The following EYS variants were observed in gnomAD, a reference collection of about 807,000 sequenced individuals.
The protein encoded by EYS is EGF-like photoreceptor maintenance factor, also known as protein eyes shut homolog.
Under a neutral mutation model 282.1 loss-of-function variants are expected in EYS, and 250 were observed. That is an observed-to-expected ratio of 0.89 (90% CI 0.80 to 0.98). EYS has a LOEUF of 0.98. Ranked by LOEUF, EYS falls within the 50% of genes least tolerant of loss-of-function variation. The pLI is 0.00. For missense variants in EYS, 4,016 were observed against 3,709.0 expected, an observed-to-expected ratio of 1.08 and a Z score of -2.15; for synonymous variants, 1,355 against 1,282.9, an observed-to-expected ratio of 1.06 and a Z score of -1.20.
intron 35 of EYS, among the ~76,000 whole-genome samples, chr6:63,926,650 TC>T (rs1166114753): frequency 6.6e-6 from 1 of 152,200 alleles, no homozygotes; most frequent in Non-Finnish European, 1.5e-5. Context: ...GTCCAGACAT[TC>T]AATCACAGAT....
In EYS at chr6:64,757,335, C is replaced by T. The variant is rs531901870; in HGVS notation, c.3443+56043G>A. On this transcript the variant is annotated intron_variant, in intron 22 of 42. Transcript: ENST00000503581. The stretch of plus-strand genomic sequence containing the variant: ...ACTGCTCCCACACGTCTTGTTCAGA[C>T]TTCTATTATAACTCTTAGTGCACTG... Among the ~76,000 whole-genome samples, 15 of 152,260 alleles carry T rather than the reference C, an allele frequency of 9.9e-5. No homozygotes were observed. The South Asian group carries it at 2.5e-3, about 25-fold the overall frequency.
chr6:64,611,616 G>T (rs1425622916), intron 24 of EYS, among the ~76,000 whole-genome samples: 2 of 152,038 alleles, frequency 1.3e-5, no homozygotes, highest in South Asian at 4.1e-4. Context: ...GCAAAAAATG[G>T]TGCTCAACAT....
chr6:65,530,015 T>G (rs1767704307), intron 2 of EYS, among the ~76,000 whole-genome samples: 1 of 152,234 alleles, frequency 6.6e-6, no homozygotes, highest in Non-Finnish European at 1.5e-5. Flanking sequence ...ATCTTTTGTT[T>G]GCTTTTTACA....
rs573160765 is a variant in EYS at position 65,065,858 on chromosome 6, C to G, written c.2024-8131G>C. ...CATGTATTTGTTTTCAATCCCCACA[C>G]TTACTACCTTATGGTTTTCCTATGG... On this transcript the variant is annotated intron_variant, in intron 12 of 42. Transcript: ENST00000503581. Among the ~76,000 whole-genome samples the G allele has an allele frequency of 2.0e-5, 3 of 152,310 alleles. No individual in the cohort carries two copies. In the East Asian group the frequency reaches 5.8e-4, roughly 29 times the overall value.
chr6:63,733,787 T>A (rs931754458), intron 41 of EYS, among the ~76,000 whole-genome samples: 2 of 152,088 alleles, frequency 1.3e-5, no homozygotes, highest in Non-Finnish European at 1.5e-5. Context: ...AGGTTAGAGA[T>A]CCAAATATTT....
At chr6:63,842,324 T>A (rs572416941) in intron 36 of EYS, among the ~76,000 whole-genome samples, 1 of 152,358 alleles carries the variant, frequency 6.6e-6, no homozygotes, top group South Asian at 2.1e-4. Flanking sequence ...AGATGGTGTC[T>A]CATTGTGGTT....
chr6:64,326,314 C>T (rs570833689), intron 29 of EYS, among the ~76,000 whole-genome samples: 36 of 152,042 alleles, frequency 2.4e-4, no homozygotes, highest in Non-Finnish European at 4.1e-4. Context: ...ACAGGCCCAG[C>T]GTAATAAACT....
chr6:63,961,736 C>A (rs888744806), intron 35 of EYS, among the ~76,000 whole-genome samples: 1 of 152,088 alleles, frequency 6.6e-6, no homozygotes, highest in Non-Finnish European at 1.5e-5. Flanking sequence ...AATGGTGGAG[C>A]CCTTGTAACC....
intron 30 of EYS, among the ~76,000 whole-genome samples, chr6:64,298,521 G>C (rs997471202): frequency 6.6e-6 from 1 of 151,678 alleles, no homozygotes; most frequent in Admixed American, 6.6e-5. Flanking sequence ...TAACTACAAA[G>C]AAAATAGCTA....
In EYS at chr6:64,366,407, T is replaced by C. The variant is rs112234086; in HGVS notation, c.6078+22283A>G. On this transcript the variant is annotated intron_variant, in intron 29 of 42. Coordinates refer to ENST00000503581, the MANE Select transcript of EYS (RefSeq NM_001142800.2). Reference sequence around the variant, plus strand: ...GCAATAGGTGAGAAAGAGAGAGAGATAGAGATCCTCACTAGACCAACCAAA... The same window carrying C: ...GCAATAGGTGAGAAAGAGAGAGAGACAGAGATCCTCACTAGACCAACCAAA... Among the ~76,000 whole-genome samples the C allele has an allele frequency of 2.4e-3, 368 of 152,060 alleles. 1 individual carries two copies. The highest frequency in any genetic ancestry group is 8.4e-3 in the African/African-American group (348 of 41,526).
chr6:63,728,575 C>T (rs1015662301), intron 41 of EYS, among the ~76,000 whole-genome samples: 2 of 152,176 alleles, frequency 1.3e-5, no homozygotes, highest in Non-Finnish European at 2.9e-5. Flanking sequence ...TATATTGACA[C>T]ATCATTATCA....
At chr6:64,578,575 C>G (rs1305993522) in intron 26 of EYS, among the ~76,000 whole-genome samples, 2 of 151,158 alleles carry the variant, frequency 1.3e-5, no homozygotes, top group Non-Finnish European at 2.9e-5. Flanking sequence ...TTTCTTTTAT[C>G]ACATTCTCTT....
chr6:64,832,205 C>T (rs1440717030), intron 19 of EYS, among the ~76,000 whole-genome samples: 1 of 151,912 alleles, frequency 6.6e-6, no homozygotes, highest in Non-Finnish European at 1.5e-5. Flanking sequence ...TACGCATGTA[C>T]ATGGCTATAA....
At chr6:64,962,698 T>A (rs1769964642) in intron 14 of EYS, among the ~76,000 whole-genome samples, 1 of 152,062 alleles carries the variant, frequency 6.6e-6, no homozygotes. Context: ...CAATGAGCTG[T>A]GATCACACCA....
chr6:65,510,699 C>A (rs1258853777), intron 2 of EYS, among the ~76,000 whole-genome samples: 1 of 152,016 alleles, frequency 6.6e-6, no homozygotes, highest in Admixed American at 6.6e-5. Context: ...ATCCTTATCT[C>A]TATTGTTAAA....
At chr6:65,417,002 CA>C (rs1222946822) in intron 5 of EYS, among the ~76,000 whole-genome samples, 8 of 151,838 alleles carry the variant, frequency 5.3e-5, no homozygotes, top group Admixed American at 2.6e-4. Context: ...AGAATTGCTC[CA>C]AAATAAGAAA....
intron 26 of EYS, among the ~76,000 whole-genome samples, chr6:64,475,798 G>GT (rs1776247706): frequency 6.6e-6 from 1 of 152,070 alleles, no homozygotes; most frequent in African/African-American, 2.4e-5. Flanking sequence ...CTGTTGTGAT[G>GT]TTTTTTAAGA....
chr6:64,106,754 A>G (rs1353206605), intron 31 of EYS, among the ~76,000 whole-genome samples: 2 of 151,884 alleles, frequency 1.3e-5, no homozygotes, highest in Non-Finnish European at 2.9e-5. Flanking sequence ...TATTGCTTCA[A>G]ATATTTCTTT....
intron 12 of EYS, among the ~76,000 whole-genome samples, chr6:65,107,173 G>A (rs1354366519): frequency 6.6e-6 from 1 of 152,000 alleles, no homozygotes; most frequent in Non-Finnish European, 1.5e-5. Context: ...TCCTTTAAGG[G>A]AGTCTTTTTG....
Sources: allele counts gnomAD v4.1 joint callset (sites outside exome capture counted in the v4.1 genomes callset), GRCh38; gene constraint gnomAD v4.1.1; transcripts MANE v1.5; gene names NCBI Gene and HGNC (gene_info 2026-07-23, HGNC 2026-07-21).